Variants in MRPS31 observed in about 807,000 individuals in gnomAD.
MRPS31 encodes small ribosomal subunit protein mS31.
MRPS31 carries 32 observed loss-of-function variants against 43.1 expected under a neutral mutation model. That is an observed-to-expected ratio of 0.74 (90% CI 0.56 to 1.00). MRPS31 has a LOEUF of 1.00. MRPS31 is among the 50% of genes least tolerant of loss of function. MRPS31 has a pLI of 0.00. For synonymous variants in MRPS31, 165 were observed against 161.6 expected, an observed-to-expected ratio of 1.02 and a Z score of -0.16; for missense variants, 437 against 466.7, an observed-to-expected ratio of 0.94 and a Z score of 0.59.
At chr13:40,745,443 G>T (rs1449450452) in intron 6 of MRPS31, among the ~76,000 whole-genome samples, 1 of 152,030 alleles carries the variant, frequency 6.6e-6, no homozygotes, top group Non-Finnish European at 1.5e-5. Flanking sequence ...GTAGAGATGG[G>T]GTTTCACCAT....
chr13:40,766,713 T>G (rs1301838119), intron 2 of MRPS31, 33 bp downstream of exon 2: 4 of 1,548,038 alleles, frequency 2.6e-6, no homozygotes, highest in Non-Finnish European at 3.5e-6. Flanking sequence ...TTACTGGAGT[T>G]TCAAACAACA....
chr13:40,743,861 A>G (rs1880167800), intron 6 of MRPS31, among the ~76,000 whole-genome samples: 1 of 152,238 alleles, frequency 6.6e-6, no homozygotes. Context: ...TATATGCCCA[A>G]AGGAATATAC....
chr13:40,729,751 T>TG, intron 6 of MRPS31, 150 bp from the exon 7 acceptor site: 1 of 588,812 alleles, frequency 1.7e-6, no homozygotes, highest in South Asian at 2.2e-5. Flanking sequence ...TTTTTTGAGA[T>TG]GGAGTCTTGC....
chr13:40,769,532 C>T (rs1880950106), intron 1 of MRPS31, among the ~76,000 whole-genome samples: 1 of 150,802 alleles, frequency 6.6e-6, no homozygotes, highest in South Asian at 2.1e-4. Context: ...CTTATGAAAA[C>T]GTCAGAGGCT....
At chr13:40,742,200 T>C (rs1262503821) in intron 6 of MRPS31, among the ~76,000 whole-genome samples, 1 of 152,052 alleles carries the variant, frequency 6.6e-6, no homozygotes, top group Non-Finnish European at 1.5e-5. Context: ...AAAGAAAACA[T>C]AAGAGACAGT....
intron 2 of MRPS31, among the ~76,000 whole-genome samples, chr13:40,763,857 C>A (rs1024343215): frequency 6.6e-6 from 1 of 152,172 alleles, no homozygotes; most frequent in Non-Finnish European, 1.5e-5. Context: ...AACCCAGCTA[C>A]CAGGCAAGAA....
At chr13:40,756,449 G>A (rs1466077464) in intron 4 of MRPS31, among the ~76,000 whole-genome samples, 1 of 152,046 alleles carries the variant, frequency 6.6e-6, no homozygotes, top group Admixed American at 6.6e-5. Context: ...CTCATTGATG[G>A]TGGGTTATTT....
intron 3 of MRPS31, 68 bp from the exon 4 acceptor site, chr13:40,757,081 CAGG>C: frequency 8.2e-7 from 1 of 1,214,260 alleles, no homozygotes; most frequent in Non-Finnish European, 1.1e-6. Context: ...CTTCCTTTAA[CAGG>C]AGACTTGAGA....
At chr13:40,751,413 A>G (rs1880387445) in intron 5 of MRPS31, among the ~76,000 whole-genome samples, 1 of 152,230 alleles carries the variant, frequency 6.6e-6, no homozygotes, top group Non-Finnish European at 1.5e-5. Flanking sequence ...TGTATGTAGT[A>G]GCCCTCATTT....
chr13:40,734,219 A>T (rs1471265766), intron 6 of MRPS31, among the ~76,000 whole-genome samples: 1 of 152,176 alleles, frequency 6.6e-6, no homozygotes, highest in Non-Finnish European at 1.5e-5. Flanking sequence ...CAGAGGAAAG[A>T]TATTTTATAT....
intron 4 of MRPS31, among the ~76,000 whole-genome samples, chr13:40,756,256 G>A (rs1417238439): frequency 6.6e-6 from 1 of 151,994 alleles, no homozygotes; most frequent in Non-Finnish European, 1.5e-5. Context: ...TCACTTTCAG[G>A]GTTTAAAGAA....
At position 40,756,881 on chromosome 13, in the gene MRPS31, A is replaced by G. The variant is rs1161291373; in HGVS notation, c.732T>C (p.Leu244=). The G allele has an allele frequency of 1.4e-5, 23 of 1,611,850 alleles. No individual in the cohort carries two copies. Among genetic ancestry groups the G allele is most frequent in the Non-Finnish European group, 1.8e-5 (21 of 1,179,496 alleles). Residue 244 remains leucine (L), a synonymous_variant, in exon 4 of 7, where the codon CTT becomes CTC. Transcript: ENST00000323563. ...ATTACAAAGCCTGATACCTTTTTTT[A>G]AGATCATCCGTCTTCTCCTGGCCAG... is the stretch of plus-strand genomic sequence containing the variant. The part of the protein sequence containing the change: ...NYPGQEKTDD[L]KKRKNIFTGK...
chr13:40,733,187 A>G (rs778042137), intron 6 of MRPS31, among the ~76,000 whole-genome samples: 19 of 151,902 alleles, frequency 1.3e-4, no homozygotes, highest in Non-Finnish European at 2.1e-4. Flanking sequence ...TATTTTCAGT[A>G]GAGATGGGGT....
At chr13:40,767,414 C>T (rs1262865161) in intron 1 of MRPS31, among the ~76,000 whole-genome samples, 1 of 152,236 alleles carries the variant, frequency 6.6e-6, no homozygotes, top group African/African-American at 2.4e-5. Flanking sequence ...ACAGCAGCAA[C>T]TTACCATTTA....
chr13:40,770,967 G>A lies in MRPS31; in HGVS notation c.152+18C>T, dbSNP rs894409715. On this transcript the variant is annotated intron_variant, in intron 1 of 6. Coordinates refer to ENST00000323563, the MANE Select transcript of MRPS31 (RefSeq NM_005830.4). ...GGAGGATGTACAGGACGGGGCACGG[G>A]GTTGCCTGAGGACCTACCGGGCCAA... is the stretch of plus-strand genomic sequence containing the variant. The A allele has an allele frequency of 6.2e-7, 1 of 1,614,018 alleles. No homozygotes were observed. Among genetic ancestry groups the A allele is most frequent in the African/African-American group, 1.3e-5 (1 of 75,028 alleles).
In MRPS31 at chr13:40,749,021, T is replaced by C. The variant is rs560212376; in HGVS notation, c.958+117A>G. The C allele has an allele frequency of 2.5e-5, 25 of 997,504 alleles. No homozygotes were observed. The African/African-American group carries it at 4.1e-4, about 16-fold the overall frequency. 61.8% of individuals were successfully genotyped at this position (997,504 alleles called of 1,614,324 possible). On this transcript the variant is annotated intron_variant, in intron 6 of 6. Transcript: ENST00000323563. ...TTGTCAGATTTATTTTAGGACACCA[T>C]GAAGATATCCACAAAAGGTTTTGAA...
chr13:40,757,211 C>T (rs1880554144), intron 3 of MRPS31, among the ~76,000 whole-genome samples, 198 bp from the exon 4 acceptor site: 2 of 152,134 alleles, frequency 1.3e-5, no homozygotes, highest in African/African-American at 4.8e-5. Flanking sequence ...TGTTTACTTT[C>T]ATCTTTTAAA....
In MRPS31 at chr13:40,729,399, T is replaced by C. The variant is rs760558919; in HGVS notation, c.1161A>G (p.Leu387=). The C allele has an allele frequency of 6.5e-7, 1 of 1,535,098 alleles. No individual in the cohort carries two copies. Among genetic ancestry groups the C allele is most frequent in the African/African-American group, 1.4e-5 (1 of 72,740 alleles). ...RNYFNEKKDI[L]KESNIQFN ...AATTGAACTGTATGTTACTTTCTTT[T>C]AGAATATCCTTTTTTTCATTAAAAT... The change falls in exon 7 of 7, where the codon CTA becomes CTG. Residue 387 remains leucine (L), a synonymous_variant. Transcript: ENST00000323563.
chr13:40,755,248 T>A (rs984208371), intron 4 of MRPS31, among the ~76,000 whole-genome samples: 1 of 152,222 alleles, frequency 6.6e-6, no homozygotes, highest in African/African-American at 2.4e-5. Context: ...TTACGCTCCA[T>A]AACTCTCTTC....
Sources: gnomAD v4.1 joint callset for allele counts (sites outside exome capture counted in the v4.1 genomes callset) on GRCh38, gnomAD v4.1.1 for gene constraint, MANE v1.5 for transcripts, NCBI Gene and HGNC (gene_info 2026-07-23, HGNC 2026-07-21) for gene names.